Variants in DPY19L3 observed in about 807,000 individuals in gnomAD.
DPY19L3 encodes dpy-19 like C-mannosyltransferase 3, also known as protein C-mannosyl-transferase DPY19L3.
DPY19L3 carries 51 observed loss-of-function variants against 92.3 expected under a neutral mutation model. The observed-to-expected ratio is 0.55, with a 90% CI of 0.44 to 0.70. The LOEUF is 0.70. Among genes scored for constraint, DPY19L3 ranks in the 30% least tolerant of loss-of-function variants. The pLI, the probability that DPY19L3 is intolerant of heterozygous loss-of-function variation, is 0.00. For missense variants in DPY19L3, 706 were observed against 855.9 expected, an observed-to-expected ratio of 0.82 and a Z score of 2.18; for synonymous variants, 309 against 315.2, an observed-to-expected ratio of 0.98 and a Z score of 0.21.
intron 3 of DPY19L3, among the ~76,000 whole-genome samples, chr19:32,427,703 C>T (rs1403769830): frequency 2.0e-5 from 3 of 152,194 alleles, no homozygotes; most frequent in Admixed American, 6.5e-5. Flanking sequence ...CTTTAATCAA[C>T]TCTGGGGCAA....
rs1489535816 is a variant in DPY19L3 at position 32,477,524 on chromosome 19, C to CT, written c.1701dup (p.Asn568Ter). 1.2e-6 allele frequency: 2 copies of CT among 1,614,132 alleles called. No individual in the cohort carries two copies. The highest frequency in any genetic ancestry group is 1.7e-6 in the Non-Finnish European group (2 of 1,180,018). ...ATTCAGACTCTAAAATCTTTCAGCT[C>CT]TAACACTCCAAGAAAGGCTGTGTTT... On this transcript the variant is annotated frameshift_variant, in exon 17 of 19. Coordinates refer to ENST00000392250, the MANE Select transcript of DPY19L3 (RefSeq NM_001172774.2). LOFTEE classifies it high-confidence loss of function.
In DPY19L3 at chr19:32,438,943, G is replaced by GGAA. The variant is rs566013424; in HGVS notation, c.597-167_597-166insAGA. 5.7e-4 allele frequency: 391 copies of GGAA among 687,412 alleles called. No homozygotes were observed. In the African/African-American group the frequency reaches 6.5e-3, roughly 11 times the overall value. The allele number at this position is 687,412 out of a possible 1,614,324, so 42.6% of individuals were successfully genotyped here. On this transcript the variant is annotated intron_variant, in intron 6 of 18. Coordinates refer to ENST00000392250, the MANE Select transcript of DPY19L3 (RefSeq NM_001172774.2). ...TCTCTATGCCAATTTTATGTTACAG[G>GGAA]GATGATGATGATGATGATGATGATG...
At chr19:32,433,325 T>A (rs1218208892) in intron 4 of DPY19L3, among the ~76,000 whole-genome samples, 1 of 152,242 alleles carries the variant, frequency 6.6e-6, no homozygotes, top group African/African-American at 2.4e-5. Context: ...CTTGATCGGC[T>A]TAGCATGAGT....
intron 1 of DPY19L3, among the ~76,000 whole-genome samples, chr19:32,407,323 C>G (rs1039462817): frequency 6.8e-6 from 1 of 147,160 alleles, no homozygotes; most frequent in Non-Finnish European, 1.5e-5. Flanking sequence ...CTGATTGGCA[C>G]ACCCCCGCAG....
At position 32,437,270 on chromosome 19, in the gene DPY19L3, T is replaced by TA; in HGVS notation, c.529dup (p.Thr177AsnfsTer23). ...GCGATCTATGTCACAGCTCTCTACA[T>TA]AACCAGCTGGCTACTCAGTGGTACA... On this transcript the variant is annotated frameshift_variant, in exon 6 of 19. Coordinates refer to ENST00000392250, the MANE Select transcript of DPY19L3 (RefSeq NM_001172774.2). LOFTEE classifies it high-confidence loss of function. 6.2e-7 allele frequency: 1 copy of TA among 1,614,166 alleles called. No individual in the cohort carries two copies. Among genetic ancestry groups the TA allele is most frequent in the Non-Finnish European group, 8.5e-7 (1 of 1,180,004 alleles).
chr19:32,466,790 T>G (rs1970215679), intron 15 of DPY19L3, among the ~76,000 whole-genome samples: 1 of 152,222 alleles, frequency 6.6e-6, no homozygotes, highest in South Asian at 2.1e-4. Context: ...CCTAATGCAT[T>G]CAGCTTTCAC....
At chr19:32,411,622 C>T (rs28488927) in intron 3 of DPY19L3, 5,750 of 422,386 alleles carry the variant, frequency 0.014, 280 homozygotes, top group African/African-American at 0.1. Context: ...GGCTGGAGTG[C>T]GGTGGCGCAA....
chr19:32,463,565 G>A (rs1707141839), intron 13 of DPY19L3, 77 bp downstream of exon 13: 4 of 1,478,152 alleles, frequency 2.7e-6, no homozygotes, highest in African/African-American at 1.4e-5. Context: ...TTTGGAAAGT[G>A]ACAATCATCT....
intron 10 of DPY19L3, among the ~76,000 whole-genome samples, chr19:32,455,849 AT>A (rs1375325846): frequency 1.7e-4 from 26 of 152,064 alleles, no homozygotes; most frequent in African/African-American, 6.0e-4. Context: ...GGTAGGCTTT[AT>A]TAAAGGTATA....
At chr19:32,436,642 A>G (rs1032052805) in intron 5 of DPY19L3, 75 bp downstream of exon 5, 5 of 1,256,272 alleles carry the variant, frequency 4.0e-6, no homozygotes, top group African/African-American at 3.1e-5. Flanking sequence ...AAGTTATCAC[A>G]TCGTTCTTTC....
At chr19:32,429,238 A>G (rs781680806) in intron 3 of DPY19L3, among the ~76,000 whole-genome samples, 14 of 152,330 alleles carry the variant, frequency 9.2e-5, no homozygotes, top group South Asian at 2.1e-4. Flanking sequence ...TCAACATTGC[A>G]TTCCCCATGG....
At chr19:32,466,762 C>T (rs983004401) in intron 15 of DPY19L3, among the ~76,000 whole-genome samples, 5 of 152,248 alleles carry the variant, frequency 3.3e-5, no homozygotes, top group African/African-American at 1.2e-4. Flanking sequence ...TCTCTTGATA[C>T]AGGAGTTTAG....
At chr19:32,463,847 G>A (rs1568354858) in intron 13 of DPY19L3, 22 bp from the exon 14 acceptor site, 1 of 1,595,146 alleles carries the variant, frequency 6.3e-7, no homozygotes, top group South Asian at 1.1e-5. Flanking sequence ...CTTCTGACTT[G>A]CGCCTGTGTC....
At chr19:32,408,901 C>A (rs1968079689) in intron 2 of DPY19L3, among the ~76,000 whole-genome samples, 1 of 151,388 alleles carries the variant, frequency 6.6e-6, no homozygotes. Context: ...GCATTAATTA[C>A]CAACTTCTTG....
intron 3 of DPY19L3, among the ~76,000 whole-genome samples, chr19:32,424,645 T>C (rs1215625623): frequency 2.0e-5 from 3 of 151,996 alleles, no homozygotes; most frequent in Admixed American, 2.0e-4. Flanking sequence ...CAAAAAAAGG[T>C]CTCTGTAGAT....
intron 3 of DPY19L3, among the ~76,000 whole-genome samples, chr19:32,425,696 AT>A (rs1240469471): frequency 1.3e-5 from 2 of 151,222 alleles, no homozygotes; most frequent in African/African-American, 4.9e-5. Flanking sequence ...TTTGAAAAGA[AT>A]TTTTTTTTTC....
chr19:32,451,481 A>G (rs1310409221), intron 8 of DPY19L3, among the ~76,000 whole-genome samples: 1 of 152,222 alleles, frequency 6.6e-6, no homozygotes, highest in Admixed American at 6.5e-5. Context: ...GACACTAAGC[A>G]AAAGCACTGA....
At chr19:32,417,572 GC>G (rs2145418581) in intron 3 of DPY19L3, among the ~76,000 whole-genome samples, 1 of 152,196 alleles carries the variant, frequency 6.6e-6, no homozygotes, top group African/African-American at 2.4e-5. Context: ...GCCCACCTTG[GC>G]CTCCCAAAGT....
intron 3 of DPY19L3, among the ~76,000 whole-genome samples, chr19:32,422,070 C>T (rs1037027082): frequency 1.3e-5 from 2 of 152,160 alleles, no homozygotes; most frequent in African/African-American, 4.8e-5. Flanking sequence ...CTGCAAGTAG[C>T]TTGTGTAGTA....
Sources: allele counts gnomAD v4.1 joint callset (sites outside exome capture counted in the v4.1 genomes callset), GRCh38; gene constraint gnomAD v4.1.1; transcripts MANE v1.5; gene names NCBI Gene and HGNC (gene_info 2026-07-23, HGNC 2026-07-21).